The following ACVR2A variants were observed in gnomAD, a reference collection of about 807,000 sequenced individuals.
ACVR2A encodes activin receptor type-2A.
Under a neutral mutation model 61.4 loss-of-function variants are expected in ACVR2A, and 7 were observed. The observed-to-expected ratio is 0.11, with a 90% CI of 0.06 to 0.21. The LOEUF (loss-of-function observed/expected upper bound fraction) is 0.21, where lower values mean the gene tolerates loss of function less well. Among genes scored for constraint, ACVR2A ranks in the 10% least tolerant of loss-of-function variants. The pLI, the probability that ACVR2A is intolerant of heterozygous loss-of-function variation, is 1.00. For synonymous variants in ACVR2A, 193 were observed against 208.3 expected, an observed-to-expected ratio of 0.93 and a Z score of 0.63; for missense variants, 322 against 621.7, an observed-to-expected ratio of 0.52 and a Z score of 5.13.
At chr2:147,884,796 G>T (rs2105175440) in intron 1 of ACVR2A, among the ~76,000 whole-genome samples, 1 of 152,022 alleles carries the variant, frequency 6.6e-6, no homozygotes, top group South Asian at 2.1e-4. Flanking sequence ...GTTTTTATTG[G>T]GTAGTTAATA....
At position 147,915,467 on chromosome 2, in the gene ACVR2A, C is replaced by A; in HGVS notation, c.672+133C>A. ...GTGATACTGGGGAAAGCAGTTAGCT[C>A]TTTTAATGCCTGCCTTTGCATCTGA... is the stretch of plus-strand genomic sequence containing the variant. On this transcript the variant is annotated intron_variant, in intron 5 of 10. Transcript: ENST00000241416. The A allele has an allele frequency of 5.7e-6, 5 of 883,710 alleles. No homozygotes were observed. The South Asian group carries it at 6.4e-5, about 11-fold the overall frequency. The allele number at this position is 883,710 out of a possible 1,614,324, so 54.7% of individuals were successfully genotyped here.
rs1415666743 is a variant in ACVR2A, at chr2:147,930,721, C to T, written c.*3447C>T. ...AGTATTTAACAGAAAGCTTAAAATC[C>T]CCATAAAACCCCACCTTGGATAAGT... is the stretch of plus-strand genomic sequence containing the variant. On this transcript the variant is annotated 3_prime_UTR_variant, in exon 11 of 11. Coordinates refer to ENST00000241416, the MANE Select transcript of ACVR2A (RefSeq NM_001616.5). 6.6e-6 allele frequency: 1 copy of T among 152,274 alleles called. No homozygotes were observed. The highest frequency in any genetic ancestry group is 6.6e-5 in the Admixed American group (1 of 15,200). 9.4% of individuals were successfully genotyped at this position (152,274 alleles called of 1,614,324 possible).
intron 1 of ACVR2A, among the ~76,000 whole-genome samples, chr2:147,893,003 C>A (rs1051264488): frequency 1.3e-5 from 2 of 152,002 alleles, no homozygotes; most frequent in South Asian, 4.2e-4. Context: ...TCATAATACA[C>A]CCTAGTCAAG....
chr2:147,910,940 C>T (rs723681), intron 4 of ACVR2A, among the ~76,000 whole-genome samples: 39,518 of 151,924 alleles, frequency 0.26, 5,965 homozygotes, highest in East Asian at 0.46. Flanking sequence ...ATGGTGCACG[C>T]ACATAGCCAC....
intron 1 of ACVR2A, among the ~76,000 whole-genome samples, chr2:147,859,083 G>A (rs1326420621): frequency 6.6e-6 from 1 of 152,042 alleles, no homozygotes; most frequent in African/African-American, 2.4e-5. Flanking sequence ...TGTTATATAT[G>A]TAGGTTAAGT....
intron 1 of ACVR2A, among the ~76,000 whole-genome samples, chr2:147,895,099 T>C (rs778074557): frequency 1.8e-4 from 27 of 152,164 alleles, no homozygotes; most frequent in Non-Finnish European, 2.5e-4. Context: ...ACCAGTCTTT[T>C]ATTATTTGCT....
chr2:147,894,121 G>A (rs534400563), intron 1 of ACVR2A, among the ~76,000 whole-genome samples: 24 of 152,108 alleles, frequency 1.6e-4, no homozygotes, highest in African/African-American at 5.5e-4. Context: ...TGGTTGCTAC[G>A]ACTATCGTTT....
Position 147,917,354 on chromosome 2 carries a change from G to A in ACVR2A, c.744G>A (p.Gln248=). ...GAATGAAGCATGAGAACATATTACA[G>A]TTCATTGGTGCAGAAAAACGAGGCA... ...LPGMKHENIL[Q]FIGAEKRGTS... Residue 248 remains glutamine (Q), a synonymous_variant, in exon 6 of 11, where the codon CAG becomes CAA. Transcript: ENST00000241416. 6.2e-7 allele frequency: 1 copy of A among 1,612,442 alleles called. No individual in the cohort carries two copies. The highest frequency in any genetic ancestry group is 1.1e-5 in the South Asian group (1 of 91,004).
intron 1 of ACVR2A, among the ~76,000 whole-genome samples, chr2:147,860,535 T>C (rs1685703263): frequency 6.6e-6 from 1 of 152,234 alleles, no homozygotes; most frequent in South Asian, 2.1e-4. Flanking sequence ...TTTTAAGTAC[T>C]TAAAAATCAT....
At chr2:147,865,173 G>A (rs1036868084) in intron 1 of ACVR2A, among the ~76,000 whole-genome samples, 4 of 152,046 alleles carry the variant, frequency 2.6e-5, no homozygotes, top group South Asian at 2.1e-4. Context: ...TGTGGCCCTC[G>A]TGTTTATTAC....
chr2:147,885,174 A>G (rs1313737485), intron 1 of ACVR2A, among the ~76,000 whole-genome samples: 1 of 152,130 alleles, frequency 6.6e-6, no homozygotes, highest in African/African-American at 2.4e-5. Flanking sequence ...CACTGATGAT[A>G]CTTCATCTGC....
At chr2:147,903,070 G>T (rs1261920494) in intron 4 of ACVR2A, 1 of 151,858 alleles carries the variant, frequency 6.6e-6, no homozygotes, top group Non-Finnish European at 1.5e-5. Flanking sequence ...GATTCTTTAT[G>T]ACATCAAATT....
upstream of ACVR2A, chr2:147,844,586 C>G (rs1011294783): frequency 1.2e-4 from 18 of 152,992 alleles, no homozygotes; most frequent in African/African-American, 4.1e-4. Context: ...AACTTGGCCG[C>G]CGCCTGCACC....
intron 1 of ACVR2A, among the ~76,000 whole-genome samples, chr2:147,888,156 A>C (rs1286387039): frequency 6.6e-6 from 1 of 152,058 alleles, no homozygotes; most frequent in African/African-American, 2.4e-5. Context: ...TCTGGGTCCT[A>C]TATCTTTTTC....
chr2:147,886,053 T>A (rs965460362), intron 1 of ACVR2A, among the ~76,000 whole-genome samples: 2 of 152,098 alleles, frequency 1.3e-5, no homozygotes, highest in African/African-American at 4.8e-5. Context: ...CTAATAAAAT[T>A]TTGTATACAT....
At chr2:147,893,572 C>T (rs576837808) in intron 1 of ACVR2A, among the ~76,000 whole-genome samples, 14 of 152,236 alleles carry the variant, frequency 9.2e-5, no homozygotes, top group African/African-American at 2.6e-4. Context: ...TTGTTTTAGC[C>T]ATTCTAATTA....
intron 1 of ACVR2A, among the ~76,000 whole-genome samples, chr2:147,895,269 C>T (rs1187061357): frequency 1.3e-5 from 2 of 152,060 alleles, no homozygotes; most frequent in African/African-American, 4.8e-5. Flanking sequence ...AACTATAGTA[C>T]ATAGTGCACT....
At chr2:147,913,881 C>T (rs1455560685) in intron 4 of ACVR2A, among the ~76,000 whole-genome samples, 1 of 127,826 alleles carries the variant, frequency 7.8e-6, no homozygotes, top group African/African-American at 2.9e-5. Flanking sequence ...CACAAGAAGT[C>T]TTTTGTTTTA....
At chr2:147,848,043 T>C (rs1414768437) in intron 1 of ACVR2A, among the ~76,000 whole-genome samples, 1 of 152,184 alleles carries the variant, frequency 6.6e-6, no homozygotes, top group African/African-American at 2.4e-5. Flanking sequence ...AATATGGTAA[T>C]TATGTTTTCT....
Sources: gnomAD v4.1 joint callset for allele counts (sites outside exome capture counted in the v4.1 genomes callset) on GRCh38, gnomAD v4.1.1 for gene constraint, MANE v1.5 for transcripts, NCBI Gene and HGNC (gene_info 2026-07-23, HGNC 2026-07-21) for gene names.